AKR1C8: variants seen among roughly 807,000 people sequenced by gnomAD.
AKR1C8 encodes aldo-keto reductase family 1 member C-like protein 1.
At chr10:5,131,611 C>CAAATTAAA in the AKR1C8 span, among the ~76,000 whole-genome samples, 12 of 151,560 alleles carry the variant, frequency 7.9e-5, no homozygotes, top group Admixed American at 3.3e-4. Context: ...CAGGGAAGTG[C>CAAATTAAA]AAATTAAAAC....
the AKR1C8 span, among the ~76,000 whole-genome samples, chr10:5,135,768 A>AG: frequency 2.5e-5 from 3 of 118,642 alleles, no homozygotes; most frequent in African/African-American, 9.8e-5. Flanking sequence ...ATGATGCTAA[A>AG]GGAATGACTA....
At chr10:5,179,527 C>A in the AKR1C8 span, among the ~76,000 whole-genome samples, 1 of 152,002 alleles carries the variant, frequency 6.6e-6, no homozygotes, top group Non-Finnish European at 1.5e-5. Flanking sequence ...TGTTGGCCTG[C>A]CTTGCTAGAT....
chr10:5,151,227 C>T, the AKR1C8 span, among the ~76,000 whole-genome samples: 1 of 152,090 alleles, frequency 6.6e-6, no homozygotes, highest in East Asian at 1.9e-4. Context: ...TGATGTTATC[C>T]AGGAGCAATT....
At chr10:5,132,888 TG>T in the AKR1C8 span, 1 of 381,020 alleles carries the variant, frequency 2.6e-6, no homozygotes, top group Non-Finnish European at 4.7e-6. Flanking sequence ...GTTCTATATA[TG>T]GGGTGATAAA....
the AKR1C8 span, chr10:5,159,865 G>A: frequency 2.8e-4 from 141 of 504,878 alleles, no homozygotes; most frequent in African/African-American, 1.7e-3. Context: ...AGAAGGTCCC[G>A]GTGGGCTAAG....
chr10:5,129,865 C>T, the AKR1C8 span, among the ~76,000 whole-genome samples: 71,417 of 151,732 alleles, frequency 0.47, 17,775 homozygotes, highest in East Asian at 0.86. Context: ...ACGAATCCTA[C>T]TGAAAATATT....
the AKR1C8 span, chr10:5,160,917 G>C: frequency 2.1e-6 from 1 of 470,712 alleles, no homozygotes; most frequent in Non-Finnish European, 4.4e-6. Context: ...AGATAAAGAA[G>C]GACATTTTCT....
At chr10:5,160,118 A>T in the AKR1C8 span, 2 of 270,102 alleles carry the variant, frequency 7.4e-6, no homozygotes, top group Non-Finnish European at 1.6e-5. Context: ...TATTAGACTG[A>T]ATTAAACAGT....
At chr10:5,117,292 C>T in the AKR1C8 span, among the ~76,000 whole-genome samples, 4 of 152,238 alleles carry the variant, frequency 2.6e-5, no homozygotes, top group East Asian at 7.7e-4. Context: ...ACTTGAGCTG[C>T]CCTCAGATAA....
At chr10:5,125,034 T>C in the AKR1C8 span, among the ~76,000 whole-genome samples, 1 of 137,586 alleles carries the variant, frequency 7.3e-6, no homozygotes, top group Non-Finnish European at 1.6e-5. Context: ...AAGATGAAAA[T>C]CACAATTGGA....
chr10:5,116,952 T>C, the AKR1C8 span, among the ~76,000 whole-genome samples: 3 of 152,194 alleles, frequency 2.0e-5, no homozygotes, highest in Admixed American at 6.5e-5. Context: ...GAAGATTCAT[T>C]TGATGAATCC....
the AKR1C8 span, chr10:5,158,771 A>G: frequency 2.1e-6 from 1 of 465,496 alleles, no homozygotes; most frequent in African/African-American, 2.0e-5. Flanking sequence ...ATGCAAATTT[A>G]AAATTGGTCT....
chr10:5,155,886 C>T, the AKR1C8 span: 1 of 355,906 alleles, frequency 2.8e-6, no homozygotes, highest in Non-Finnish European at 5.8e-6. Flanking sequence ...TCATCAGCTT[C>T]CAGGTGCATG....
chr10:5,152,544 A>C, the AKR1C8 span, among the ~76,000 whole-genome samples: 1 of 152,074 alleles, frequency 6.6e-6, no homozygotes, highest in African/African-American at 2.4e-5. Flanking sequence ...TACTTCAAGG[A>C]CTCTAGAAAA....
At chr10:5,146,322 A>T in the AKR1C8 span, among the ~76,000 whole-genome samples, 1 of 152,210 alleles carries the variant, frequency 6.6e-6, no homozygotes, top group South Asian at 2.1e-4. Context: ...CAATGTGCAC[A>T]TGTACCCTAA....
At chr10:5,141,975 C>A in the AKR1C8 span, among the ~76,000 whole-genome samples, 1 of 151,966 alleles carries the variant, frequency 6.6e-6, no homozygotes, top group Admixed American at 6.6e-5. Flanking sequence ...TAGATGGCAC[C>A]TTTTTTGGTA....
the AKR1C8 span, among the ~76,000 whole-genome samples, chr10:5,146,021 A>G: frequency 6.6e-6 from 1 of 152,086 alleles, no homozygotes; most frequent in Non-Finnish European, 1.5e-5. Context: ...TGCAGCCATA[A>G]AAAATGATAA....
At chr10:5,139,309 T>A in the AKR1C8 span, among the ~76,000 whole-genome samples, 9 of 152,272 alleles carry the variant, frequency 5.9e-5, no homozygotes, top group Non-Finnish European at 1.0e-4. Context: ...ACTTTAAAGT[T>A]CATATGGAAC....
At chr10:5,170,183 T>A in the AKR1C8 span, among the ~76,000 whole-genome samples, 1 of 152,058 alleles carries the variant, frequency 6.6e-6, no homozygotes, top group Non-Finnish European at 1.5e-5. Context: ...ACATCTGGTT[T>A]TCGGTTTACA....
Sources: gnomAD v4.1 joint callset for allele counts (sites outside exome capture counted in the v4.1 genomes callset) on GRCh38, gnomAD v4.1.1 for gene constraint, MANE v1.5 for transcripts, NCBI Gene and HGNC (gene_info 2026-07-23, HGNC 2026-07-21) for gene names.